FBN2: variants seen among roughly 807,000 people sequenced by gnomAD.
FBN2 encodes the protein fibrillin-2.
FBN2 carries 105 observed loss-of-function variants against 355.6 expected under a neutral mutation model. That is an observed-to-expected ratio of 0.30 (90% CI 0.25 to 0.35). FBN2 has a LOEUF of 0.35. Ranked by LOEUF, FBN2 falls within the 10% of genes least tolerant of loss-of-function variation. The probability of loss-of-function intolerance (pLI) is 1.00; values close to 1 mark genes in which losing one functional copy is unlikely to be tolerated. For synonymous variants in FBN2, 1,350 were observed against 1,301.2 expected (o/e 1.04, Z -0.81); for missense variants, 3,280 against 3,758.7 (o/e 0.87, Z 3.33).
intron 35 of FBN2, 113 bp downstream of exon 35, chr5:128,318,766 T>C: frequency 2.8e-6 from 3 of 1,077,112 alleles, no homozygotes; most frequent in Non-Finnish European, 4.1e-6. Flanking sequence ...TTCTGAAAAA[T>C]GTGTAACCTA....
intron 5 of FBN2, among the ~76,000 whole-genome samples, chr5:128,477,255 AG>A (rs1341422884): frequency 6.6e-6 from 1 of 152,196 alleles, no homozygotes; most frequent in Admixed American, 6.5e-5. Context: ...CGGCACAAAG[AG>A]CATTTCCATC....
intron 5 of FBN2, among the ~76,000 whole-genome samples, chr5:128,492,902 T>A (rs1287639987): frequency 6.8e-6 from 1 of 147,142 alleles, no homozygotes; most frequent in Non-Finnish European, 1.5e-5. Context: ...TGAATTAAAA[T>A]TAAAGTGTAA....
intron 36 of FBN2, 22 bp downstream of exon 36, chr5:128,318,127 T>A: frequency 1.2e-6 from 2 of 1,613,284 alleles, no homozygotes; most frequent in South Asian, 2.2e-5. Flanking sequence ...TCTATTTGTT[T>A]GTTTCATATA....
intron 6 of FBN2, among the ~76,000 whole-genome samples, chr5:128,446,945 C>T (rs1283739797): frequency 6.6e-6 from 1 of 152,126 alleles, no homozygotes; most frequent in Non-Finnish European, 1.5e-5. Context: ...TTATTAATTC[C>T]CCAAATTAAC....
At chr5:128,303,885 GTATAAACAAGCATT>G (rs1749789184) in intron 45 of FBN2, among the ~76,000 whole-genome samples, 1 of 152,164 alleles carries the variant, frequency 6.6e-6, no homozygotes, top group South Asian at 2.1e-4. Flanking sequence ...GAAGAAGCAT[GTATAAACAAGCATT>G]CTTAGGGAGT....
intron 6 of FBN2, among the ~76,000 whole-genome samples, chr5:128,453,732 G>C (rs1410715650): frequency 4.6e-5 from 7 of 152,048 alleles, no homozygotes; most frequent in African/African-American, 1.7e-4. Flanking sequence ...ATGCAGAGTG[G>C]GGAAGGCTCA....
intron 1 of FBN2, among the ~76,000 whole-genome samples, 184 bp from the exon 2 acceptor site, chr5:128,536,668 A>C (rs965506069): frequency 3.3e-5 from 5 of 152,228 alleles, no homozygotes; most frequent in Admixed American, 3.3e-4. Context: ...GCTGGAATGC[A>C]GGAGGGTCAG....
chr5:128,262,297 G>A (rs1346942457), intron 63 of FBN2, among the ~76,000 whole-genome samples: 2 of 152,078 alleles, frequency 1.3e-5, no homozygotes, highest in African/African-American at 2.4e-5. Flanking sequence ...GCCTTCAAGC[G>A]ATTCTCCTAC....
At chr5:128,379,469 T>G (rs1752172541) in intron 11 of FBN2, among the ~76,000 whole-genome samples, 1 of 152,084 alleles carries the variant, frequency 6.6e-6, no homozygotes, top group Non-Finnish European at 1.5e-5. Context: ...AATGAAAACA[T>G]TTAAACAAAG....
intron 9 of FBN2, among the ~76,000 whole-genome samples, chr5:128,394,127 T>C (rs141383565): frequency 5.4e-4 from 82 of 152,342 alleles, no homozygotes; most frequent in African/African-American, 1.9e-3. Context: ...GAATGATTAA[T>C]GTGTCATGAT....
intron 25 of FBN2, among the ~76,000 whole-genome samples, chr5:128,341,884 G>A (rs1483365115): frequency 6.6e-6 from 1 of 152,200 alleles, no homozygotes; most frequent in Non-Finnish European, 1.5e-5. Flanking sequence ...TTTAATGAAA[G>A]AATTCGCATA....
At chr5:128,412,890 G>C (rs1005866672) in intron 7 of FBN2, among the ~76,000 whole-genome samples, 13 of 152,160 alleles carry the variant, frequency 8.5e-5, no homozygotes, top group Non-Finnish European at 1.9e-4. Flanking sequence ...TTGAAGTAAG[G>C]CTTTATGATG....
At chr5:128,364,496 A>G in intron 18 of FBN2, 104 bp downstream of exon 18, 1 of 1,228,922 alleles carries the variant, frequency 8.1e-7, no homozygotes, top group South Asian at 1.4e-5. Context: ...AACAAGAAAA[A>G]CTGTACAATT....
At chr5:128,481,781 A>G (rs1168064370) in intron 5 of FBN2, among the ~76,000 whole-genome samples, 1 of 152,182 alleles carries the variant, frequency 6.6e-6, no homozygotes, top group East Asian at 1.9e-4. Context: ...AGTGGAAAAA[A>G]AACACTTTAC....
chr5:128,388,907 C>T (rs900375070), intron 11 of FBN2, among the ~76,000 whole-genome samples: 15 of 152,108 alleles, frequency 9.9e-5, no homozygotes, highest in African/African-American at 3.1e-4. Context: ...GATAATTTTT[C>T]GTGGGCAATA....
At chr5:128,351,220 A>T (rs934220530) in intron 20 of FBN2, among the ~76,000 whole-genome samples, 1 of 67,366 alleles carries the variant, frequency 1.5e-5, no homozygotes, top group Admixed American at 1.8e-4. Context: ...CATCTCCACC[A>T]GAGGAAAAAA....
At chr5:128,384,776 TGAA>T (rs1350200040) in intron 11 of FBN2, among the ~76,000 whole-genome samples, 4 of 152,068 alleles carry the variant, frequency 2.6e-5, no homozygotes, top group African/African-American at 9.7e-5. Context: ...AGGCTCTAGA[TGAA>T]ATTATAGTTG....
In FBN2 at chr5:128,286,811, A is replaced by T. The variant is rs1208950525; in HGVS notation, c.6919T>A (p.Ser2307Thr). 3 of 1,613,966 alleles carry T rather than the reference A, an allele frequency of 1.9e-6. No homozygotes were observed. Among genetic ancestry groups the T allele is most frequent in the Non-Finnish European group, 2.5e-6 (3 of 1,179,916 alleles). Residue 2307 changes from serine to threonine, a missense_variant, in exon 55 of 65, where the codon TCT becomes ACT. By Grantham distance (58) the Ser-to-Thr change is moderately conservative (BLOSUM62 1). This residue lies in a region of FBN2 where 2,284 missense variants were observed against 2,749.5 expected (regional missense o/e 0.83). Coordinates refer to ENST00000262464, the MANE Select transcript of FBN2 (RefSeq NM_001999.4). ...ECAEGLHDCESRGMMCKNLIG... is the reference protein window; with the variant it reads ...ECAEGLHDCETRGMMCKNLIG... ...AGATTCTTACACATCATGCCCCTAG[A>T]TTCACAGTCGTGTAACCCTTCAGCA...
chr5:128,365,868 G>T (rs1327512579), intron 17 of FBN2, among the ~76,000 whole-genome samples: 1 of 151,636 alleles, frequency 6.6e-6, no homozygotes, highest in Non-Finnish European at 1.5e-5. Context: ...AAAATTGAAA[G>T]CAAGAAAAAT....
Sources: gnomAD v4.1 joint callset for allele counts (sites outside exome capture counted in the v4.1 genomes callset) on GRCh38, gnomAD v4.1.1 for gene constraint, gnomAD v4.1.1 regional missense constraint, MANE v1.5 for transcripts, NCBI Gene and HGNC (gene_info 2026-07-23, HGNC 2026-07-21) for gene names.